The following RBMS3 variants were observed in gnomAD, a reference collection of about 807,000 sequenced individuals.
RBMS3 encodes the protein RNA-binding motif, single-stranded-interacting protein 3.
In RBMS3, 27 loss-of-function variants were observed where a neutral mutation model predicts 66.8. That is an observed-to-expected ratio of 0.40 (90% CI 0.30 to 0.56). RBMS3 has a LOEUF of 0.56. RBMS3 is among the 20% of genes least tolerant of loss of function. The pLI, the probability that RBMS3 is intolerant of heterozygous loss-of-function variation, is 0.40. For synonymous variants in RBMS3, 188 were observed against 183.0 expected (o/e 1.03, Z -0.22); for missense variants, 513 against 549.5 (o/e 0.93, Z 0.66).
intron 4 of RBMS3, among the ~76,000 whole-genome samples, chr3:29,651,602 T>C (rs956783088): frequency 6.6e-6 from 1 of 151,992 alleles, no homozygotes; most frequent in Non-Finnish European, 1.5e-5. Context: ...AAAACCACAG[T>C]TTTTTATTGA....
intron 4 of RBMS3, among the ~76,000 whole-genome samples, chr3:29,595,222 T>C (rs1394407337): frequency 6.6e-6 from 1 of 151,590 alleles, no homozygotes; most frequent in Non-Finnish European, 1.5e-5. Context: ...CATAGTGAAA[T>C]CCTGTCTCTA....
intron 6 of RBMS3, among the ~76,000 whole-genome samples, chr3:29,862,169 C>T (rs755071115): frequency 2.6e-5 from 4 of 152,152 alleles, no homozygotes; most frequent in African/African-American, 4.8e-5. Context: ...AACAGTTCTT[C>T]TCAAATCTTA....
chr3:29,692,691 G>T (rs977103124), intron 4 of RBMS3, among the ~76,000 whole-genome samples: 1 of 152,116 alleles, frequency 6.6e-6, no homozygotes, highest in Non-Finnish European at 1.5e-5. Flanking sequence ...CGATTGCAAA[G>T]CACATCGCAA....
intron 1 of RBMS3, among the ~76,000 whole-genome samples, chr3:29,287,805 C>T (rs974908973): frequency 2.6e-5 from 4 of 151,850 alleles, no homozygotes; most frequent in Non-Finnish European, 4.4e-5. Flanking sequence ...CTTGAGAAAG[C>T]TTATAGAATT....
At position 29,434,728 on chromosome 3, in the gene RBMS3, T is replaced by C; in HGVS notation, c.76-15T>C. On this transcript the variant is annotated splice_polypyrimidine_tract_variant and intron_variant, in intron 1 of 14. Transcript: ENST00000383767. ...TGGCTTTTGTTTTTCCAGTAACAGC[T>C]TTTTCTGTTTCCAGCAGTCCTATGC... 1 of 1,603,886 alleles carries C rather than the reference T, an allele frequency of 6.2e-7. No individual in the cohort carries two copies. Among genetic ancestry groups the C allele is most frequent in the South Asian group, 1.1e-5 (1 of 89,756 alleles).
intron 14 of RBMS3, among the ~76,000 whole-genome samples, chr3:29,996,255 A>C (rs1256718425): frequency 7.9e-5 from 12 of 151,732 alleles, no homozygotes; most frequent in African/African-American, 2.7e-4. Flanking sequence ...CAGGAGCACC[A>C]AGATTCATAA....
intron 4 of RBMS3, among the ~76,000 whole-genome samples, chr3:29,646,693 A>G (rs1451725635): frequency 6.8e-6 from 1 of 147,736 alleles, no homozygotes; most frequent in Non-Finnish European, 1.5e-5. Context: ...CATCCTAACT[A>G]CAGTTTTCCC....
At chr3:29,974,821 A>T (rs1370121750) in intron 12 of RBMS3, among the ~76,000 whole-genome samples, 1 of 122,610 alleles carries the variant, frequency 8.2e-6, no homozygotes, top group Non-Finnish European at 1.7e-5. Flanking sequence ...TTTATATATA[A>T]AATACGTTTA....
At chr3:29,603,393 C>G (rs189924796) in intron 4 of RBMS3, among the ~76,000 whole-genome samples, 7 of 151,868 alleles carry the variant, frequency 4.6e-5, no homozygotes, top group African/African-American at 1.5e-4. Flanking sequence ...TTCATATTTC[C>G]TTTTATAACA....
intron 4 of RBMS3, among the ~76,000 whole-genome samples, chr3:29,686,959 C>G (rs1464045076): frequency 1.3e-5 from 2 of 152,110 alleles, no homozygotes; most frequent in Non-Finnish European, 2.9e-5. Flanking sequence ...TCTTTCTTCT[C>G]TAAGATAAAA....
intron 3 of RBMS3, among the ~76,000 whole-genome samples, chr3:29,531,023 A>G (rs1379748036): frequency 6.6e-6 from 1 of 152,228 alleles, no homozygotes; most frequent in Non-Finnish European, 1.5e-5. Context: ...AGGGATACTT[A>G]TGTCTTTGCA....
chr3:29,681,910 G>A (rs2051512956), intron 4 of RBMS3, among the ~76,000 whole-genome samples: 1 of 152,222 alleles, frequency 6.6e-6, no homozygotes, highest in South Asian at 2.1e-4. Context: ...CTGCCTCTAG[G>A]TCTTTGAGGA....
chr3:29,973,849 C>T (rs960187527), intron 12 of RBMS3, among the ~76,000 whole-genome samples: 3 of 151,918 alleles, frequency 2.0e-5, no homozygotes, highest in African/African-American at 7.2e-5. Context: ...AGTTCTTTGA[C>T]ACTGCTAAGC....
At chr3:29,567,755 T>C (rs1323383613) in intron 3 of RBMS3, among the ~76,000 whole-genome samples, 3 of 152,082 alleles carry the variant, frequency 2.0e-5, no homozygotes, top group Admixed American at 1.3e-4. Context: ...CTCTGTGCAA[T>C]TTTTGGTGTT....
rs189645556 is a variant in RBMS3 at position 29,623,312 on chromosome 3, G to T, written c.399+36107G>T. On this transcript the variant is annotated intron_variant, in intron 4 of 14. Coordinates refer to ENST00000383767, the MANE Select transcript of RBMS3 (RefSeq NM_001003793.3). ...AAACATTATAAAAGTATAAAAGTCG[G>T]CCGGGCGCGGTGGCTCACGCCTGTA... 1.7e-3 allele frequency among the ~76,000 whole-genome samples: 255 copies of T among 152,150 alleles called. 1 individual carries two copies. Among genetic ancestry groups the T allele is most frequent in the Admixed American group, 2.9e-3 (45 of 15,266 alleles).
intron 1 of RBMS3, among the ~76,000 whole-genome samples, chr3:29,395,874 G>A (rs969787736): frequency 6.6e-6 from 1 of 152,114 alleles, no homozygotes; most frequent in Non-Finnish European, 1.5e-5. Flanking sequence ...ACATATAATA[G>A]GGTAAATATG....
At chr3:29,296,003 G>A (rs1357219983) in intron 1 of RBMS3, among the ~76,000 whole-genome samples, 3 of 151,826 alleles carry the variant, frequency 2.0e-5, no homozygotes, top group South Asian at 4.1e-4. Flanking sequence ...TGACAGGATT[G>A]TACTCTTCCT....
intron 4 of RBMS3, among the ~76,000 whole-genome samples, chr3:29,690,812 A>C (rs963344398): frequency 6.6e-6 from 1 of 152,116 alleles, no homozygotes; most frequent in Non-Finnish European, 1.5e-5. Context: ...TTTTGCTACA[A>C]TTTGTTTATT....
At chr3:29,294,220 A>G (rs1252432255) in intron 1 of RBMS3, among the ~76,000 whole-genome samples, 1 of 151,796 alleles carries the variant, frequency 6.6e-6, no homozygotes, top group Non-Finnish European at 1.5e-5. Flanking sequence ...TTTGAACCAG[A>G]GTTGCTTAAT....
Sources: allele counts gnomAD v4.1 joint callset (sites outside exome capture counted in the v4.1 genomes callset), GRCh38; gene constraint gnomAD v4.1.1; transcripts MANE v1.5; gene names NCBI Gene and HGNC (gene_info 2026-07-23, HGNC 2026-07-21).